The following TG variants were observed in gnomAD, a reference collection of about 807,000 sequenced individuals.
TG encodes the protein thyroid hormones.
TG carries 270 observed loss-of-function variants against 324.7 expected under a neutral mutation model. The observed-to-expected ratio is 0.83, with a 90% CI of 0.75 to 0.92. The LOEUF (loss-of-function observed/expected upper bound fraction) is 0.92. TG is among the 40% of genes least tolerant of loss of function. TG has a pLI of 0.00. For missense variants in TG, 3,591 were observed against 3,456.4 expected, an observed-to-expected ratio of 1.04 and a Z score of -0.98; for synonymous variants, 1,401 against 1,327.0, an observed-to-expected ratio of 1.06 and a Z score of -1.21.
chr8:133,116,363 G>A (rs1225349928), intron 44 of TG, among the ~76,000 whole-genome samples: 6 of 152,214 alleles, frequency 3.9e-5, no homozygotes, highest in Admixed American at 6.5e-5. Context: ...CAGCATGGAC[G>A]CCAGTTTTCG....
chr8:133,075,587 T>G (rs1156377563), intron 41 of TG, among the ~76,000 whole-genome samples: 2 of 152,232 alleles, frequency 1.3e-5, no homozygotes, highest in Non-Finnish European at 2.9e-5. Flanking sequence ...CGTCTAGTTC[T>G]TAGGGGACAT....
chr8:132,959,904 C>T (rs568351902), intron 27 of TG, among the ~76,000 whole-genome samples: 1 of 152,186 alleles, frequency 6.6e-6, no homozygotes, highest in South Asian at 2.1e-4. Flanking sequence ...TTTTTAGTTT[C>T]TGTCTTTAGT....
At chr8:133,092,256 A>AT (rs1847675117) in intron 41 of TG, among the ~76,000 whole-genome samples, 1 of 152,244 alleles carries the variant, frequency 6.6e-6, no homozygotes, top group Admixed American at 6.5e-5. Flanking sequence ...ACTCCGAAGC[A>AT]ACTACAGTGA....
chr8:133,062,038 G>C (rs887297982), intron 41 of TG, among the ~76,000 whole-genome samples: 1 of 152,182 alleles, frequency 6.6e-6, no homozygotes, highest in African/African-American at 2.4e-5. Context: ...GACCAGGCTC[G>C]CAAAAGCTAT....
chr8:132,883,006 T>G lies in TG; in HGVS notation c.1075+7T>G. On this transcript the variant is annotated splice_region_variant and intron_variant, in intron 8 of 47. Coordinates refer to ENST00000220616, the MANE Select transcript of TG (RefSeq NM_003235.5). ...GGGGAGCCGCCATCTTGTGGTGGGTTTCCTCTGGGGGCTTCCTCTTTCGGC... is the reference window on the plus strand; with the variant it reads ...GGGGAGCCGCCATCTTGTGGTGGGTGTCCTCTGGGGGCTTCCTCTTTCGGC... 6.2e-7 allele frequency: 1 copy of G among 1,613,488 alleles called. No homozygotes were observed. Among genetic ancestry groups the G allele is most frequent in the Non-Finnish European group, 8.5e-7 (1 of 1,179,878 alleles).
chr8:133,084,725 T>G (rs914830082), intron 41 of TG, among the ~76,000 whole-genome samples: 3 of 152,204 alleles, frequency 2.0e-5, no homozygotes, highest in Non-Finnish European at 2.9e-5. Flanking sequence ...CCAGCAGAAG[T>G]GCCCGGGAGA....
chr8:132,878,864 C>A (rs16904767), intron 5 of TG, among the ~76,000 whole-genome samples: 5,978 of 151,874 alleles, frequency 0.039, 275 homozygotes, highest in African/African-American at 0.11. Context: ...TTTAGAATCC[C>A]ACTCAAACTC....
intron 37 of TG, among the ~76,000 whole-genome samples, chr8:133,017,520 G>A (rs1371916987): frequency 6.6e-6 from 1 of 152,162 alleles, no homozygotes; most frequent in Non-Finnish European, 1.5e-5. Flanking sequence ...CTGGATCCAT[G>A]TATAGAAGGG....
At chr8:132,965,227 T>A (rs573398312) in intron 29 of TG, among the ~76,000 whole-genome samples, 1 of 152,322 alleles carries the variant, frequency 6.6e-6, no homozygotes, top group Admixed American at 6.5e-5. Context: ...GCTTGGGAAC[T>A]GGCCATCATA....
chr8:133,062,558 C>G (rs1054939303), intron 41 of TG, among the ~76,000 whole-genome samples: 4 of 152,258 alleles, frequency 2.6e-5, no homozygotes, highest in African/African-American at 9.6e-5. Context: ...AGGCCCGGGT[C>G]AGGCAAGAGG....
In TG at chr8:132,897,634, C is replaced by T; in HGVS notation, c.3002-15C>T. On this transcript the variant is annotated splice_polypyrimidine_tract_variant and intron_variant, in intron 11 of 47. Coordinates refer to ENST00000220616, the MANE Select transcript of TG (RefSeq NM_003235.5). ...CAGGTGGTCATATTCTGCTTTTCTCCTTCCCTGACTCCAGCCTTAAGCTTC... is the reference window on the plus strand; with the variant it reads ...CAGGTGGTCATATTCTGCTTTTCTCTTTCCCTGACTCCAGCCTTAAGCTTC... 1 of 1,614,150 alleles carries T rather than the reference C, an allele frequency of 6.2e-7. No homozygotes were observed. Among genetic ancestry groups the T allele is most frequent in the South Asian group, 1.1e-5 (1 of 91,082 alleles).
rs1835379185 is a variant in TG at position 133,019,675 on chromosome 8, G to A, written c.6856G>A (p.Val2286Met). The stretch of plus-strand genomic sequence containing the variant: ...CAGTGAAGATTGTTTGTATCTCAAT[G>A]TGTTCATCCCTCAGAATGTGGTGAG... ...GVSEDCLYLN[V>M]FIPQNVAPNA... Residue 2286 changes from valine to methionine, a missense_variant, in exon 39 of 48, where the codon GTG (valine) becomes ATG (methionine). Val to Met is a conservative substitution (Grantham distance 21). Coordinates refer to ENST00000220616, the MANE Select transcript of TG (RefSeq NM_003235.5). 1 of 1,613,278 alleles carries A rather than the reference G, an allele frequency of 6.2e-7. No homozygotes were observed. The highest frequency in any genetic ancestry group is 1.1e-5 in the South Asian group (1 of 91,002).
chr8:133,031,416 T>C (rs1309823082), intron 41 of TG, among the ~76,000 whole-genome samples: 1 of 152,206 alleles, frequency 6.6e-6, no homozygotes, highest in Non-Finnish European at 1.5e-5. Context: ...ACAGTGCTGC[T>C]GTGAACATGG....
intron 11 of TG, among the ~76,000 whole-genome samples, chr8:132,895,273 C>T (rs1407379070): frequency 1.3e-5 from 2 of 152,192 alleles, no homozygotes; most frequent in Admixed American, 6.5e-5. Flanking sequence ...CAAGACAGTC[C>T]TCCCCTGACA....
chr8:132,959,619 A>G (rs1827466606), intron 27 of TG, among the ~76,000 whole-genome samples: 1 of 152,200 alleles, frequency 6.6e-6, no homozygotes, highest in Admixed American at 6.5e-5. Context: ...CTGGTTGGTA[A>G]GAGATGCATG....
At chr8:132,867,845 G>A (rs1428462972) in intron 1 of TG, among the ~76,000 whole-genome samples, 1 of 151,998 alleles carries the variant, frequency 6.6e-6, no homozygotes, top group Non-Finnish European at 1.5e-5. Flanking sequence ...TGCCAGTTAC[G>A]TGACTTTGGG....
chr8:132,985,112 G>A lies in TG; in HGVS notation c.6262+1700G>A, dbSNP rs764390356. ...CCTGCTCTATGTGGGTTCCATAGCC[G>A]TGTGTTCAACGACACATAGATCAAA... On this transcript the variant is annotated intron_variant, in intron 35 of 47. Coordinates refer to ENST00000220616, the MANE Select transcript of TG (RefSeq NM_003235.5). 5.9e-5 allele frequency among the ~76,000 whole-genome samples: 9 copies of A among 152,086 alleles called. No homozygotes were observed. In the South Asian group the frequency reaches 6.2e-4, roughly 10 times the overall value.
intron 5 of TG, 72 bp downstream of exon 5, chr8:132,873,293 G>T: frequency 6.4e-7 from 1 of 1,572,624 alleles, no homozygotes; most frequent in South Asian, 1.1e-5. Context: ...TGAGCTGGGG[G>T]CCTCCATGTG....
At chr8:132,913,310 G>A (rs1819799486) in intron 20 of TG, 45 bp downstream of exon 20, 1 of 1,601,128 alleles carries the variant, frequency 6.2e-7, no homozygotes. Context: ...AGCCATGTGA[G>A]GCTTTAGGAA....
Sources: allele counts gnomAD v4.1 joint callset (sites outside exome capture counted in the v4.1 genomes callset), GRCh38; gene constraint gnomAD v4.1.1; transcripts MANE v1.5; gene names NCBI Gene and HGNC (gene_info 2026-07-23, HGNC 2026-07-21).